The following SNX29 variants were observed in gnomAD, a reference collection of about 807,000 sequenced individuals.
SNX29 encodes sorting nexin 29.
In SNX29, 78 loss-of-function variants were observed where a neutral mutation model predicts 102.1. The ratio of observed to expected loss-of-function variants is 0.76; its 90% confidence interval spans 0.64 to 0.92. The LOEUF (loss-of-function observed/expected upper bound fraction) is 0.92. SNX29 is among the 40% of genes least tolerant of loss of function. The pLI is 0.00. For synonymous variants in SNX29, 580 were observed against 414.5 expected, an observed-to-expected ratio of 1.40 and a Z score of -4.85; for missense variants, 1,280 against 1,061.7, an observed-to-expected ratio of 1.21 and a Z score of -2.86.
intron 19 of SNX29, among the ~76,000 whole-genome samples, chr16:12,506,026 T>C (rs188914300): frequency 1.3e-5 from 2 of 152,152 alleles, no homozygotes; most frequent in East Asian, 3.9e-4. Context: ...AGAGGTGTGA[T>C]CTCGCCTCAC....
At chr16:12,537,316 A>G (rs991774171) in intron 20 of SNX29, among the ~76,000 whole-genome samples, 10 of 152,226 alleles carry the variant, frequency 6.6e-5, no homozygotes, top group Admixed American at 6.5e-4. Flanking sequence ...TATAGTGGCT[A>G]AGCCAAAGCT....
At chr16:12,513,796 T>A (rs767382355) in intron 19 of SNX29, among the ~76,000 whole-genome samples, 17 of 152,236 alleles carry the variant, frequency 1.1e-4, no homozygotes, top group Non-Finnish European at 2.1e-4. Flanking sequence ...AGTCAGCAGC[T>A]GATAAAAGGA....
intron 20 of SNX29, among the ~76,000 whole-genome samples, chr16:12,554,585 T>C (rs1202672381): frequency 1.3e-5 from 2 of 152,202 alleles, no homozygotes; most frequent in East Asian, 1.9e-4. Flanking sequence ...CACCAAGACT[T>C]GGAGCTCCCA....
intron 16 of SNX29, among the ~76,000 whole-genome samples, chr16:12,380,430 C>T (rs1863138679): frequency 1.6e-5 from 2 of 123,290 alleles, no homozygotes; most frequent in Admixed American, 1.6e-4. Flanking sequence ...CCTCATCCAT[C>T]CACCTAGCTA....
chr16:12,373,445 T>G (rs1052506417), intron 16 of SNX29, among the ~76,000 whole-genome samples: 1 of 152,218 alleles, frequency 6.6e-6, no homozygotes, highest in Non-Finnish European at 1.5e-5. Flanking sequence ...ATCCTCATCT[T>G]TAAATGGGTC....
At chr16:12,359,440 A>G (rs1270525909) in intron 16 of SNX29, among the ~76,000 whole-genome samples, 2 of 152,188 alleles carry the variant, frequency 1.3e-5, no homozygotes, top group African/African-American at 4.8e-5. Context: ...GGTTTCACAT[A>G]TGACTTCTCA....
chr16:12,552,320 G>A (rs1167599205), intron 20 of SNX29, among the ~76,000 whole-genome samples: 1 of 152,136 alleles, frequency 6.6e-6, no homozygotes, highest in Non-Finnish European at 1.5e-5. Context: ...AGGTGATAAT[G>A]GAACTCCTCT....
At chr16:12,419,148 C>G (rs769981859) in intron 18 of SNX29, among the ~76,000 whole-genome samples, 30 of 152,100 alleles carry the variant, frequency 2.0e-4, no homozygotes, top group Non-Finnish European at 2.2e-4. Context: ...TTGTTTAGTT[C>G]CGATGTTTCT....
intron 20 of SNX29, chr16:12,545,702 G>C (rs1361698520): frequency 6.6e-6 from 1 of 152,330 alleles, no homozygotes; most frequent in Non-Finnish European, 1.5e-5. Flanking sequence ...GCTGGTGCAA[G>C]GTGGGTGGCC....
chr16:12,221,000 A>T (rs140547194), intron 14 of SNX29, among the ~76,000 whole-genome samples: 18 of 152,358 alleles, frequency 1.2e-4, no homozygotes, highest in African/African-American at 3.4e-4. Context: ...CGTCTTTATT[A>T]CAGTCTGCCT....
At chr16:12,328,848 A>AGG in intron 15 of SNX29, among the ~76,000 whole-genome samples, 1 of 152,162 alleles carries the variant, frequency 6.6e-6, no homozygotes, top group Non-Finnish European at 1.5e-5. Context: ...AATTCTGAGA[A>AGG]TGCTGGCTGA....
intron 11 of SNX29, among the ~76,000 whole-genome samples, chr16:12,111,899 G>A (rs1206102401): frequency 6.6e-6 from 1 of 152,150 alleles, no homozygotes; most frequent in Non-Finnish European, 1.5e-5. Flanking sequence ...GAGATGGGGT[G>A]TGTGGTGGGG....
intron 11 of SNX29, among the ~76,000 whole-genome samples, chr16:12,109,270 T>C (rs1436898755): frequency 1.3e-5 from 2 of 151,486 alleles, no homozygotes; most frequent in African/African-American, 4.9e-5. Flanking sequence ...TGAACTGGCA[T>C]AGAGCAGCAG....
chr16:12,494,986 G>T (rs539636298), intron 19 of SNX29, among the ~76,000 whole-genome samples: 34 of 152,290 alleles, frequency 2.2e-4, no homozygotes, highest in African/African-American at 7.5e-4. Context: ...AATCTCGTCA[G>T]TATCCCTGGG....
intron 15 of SNX29, among the ~76,000 whole-genome samples, chr16:12,289,729 T>C (rs1270411395): frequency 2.6e-5 from 4 of 152,208 alleles, no homozygotes; most frequent in African/African-American, 9.6e-5. Context: ...TGGCTGGTTT[T>C]CAGCTTTTCA....
chr16:12,211,017 A>G (rs997483769), intron 14 of SNX29, among the ~76,000 whole-genome samples: 1 of 152,192 alleles, frequency 6.6e-6, no homozygotes, highest in Non-Finnish European at 1.5e-5. Context: ...CCTTTAGTGC[A>G]GAGTGAGGCT....
intron 11 of SNX29, among the ~76,000 whole-genome samples, chr16:12,107,268 G>C (rs960747182): frequency 5.9e-5 from 9 of 152,066 alleles, no homozygotes; most frequent in African/African-American, 1.9e-4. Flanking sequence ...GAAAATGGGT[G>C]TGGGGACAGC....
At chr16:12,272,058 G>C (rs1243328883) in intron 14 of SNX29, among the ~76,000 whole-genome samples, 2 of 152,202 alleles carry the variant, frequency 1.3e-5, no homozygotes, top group Non-Finnish European at 2.9e-5. Flanking sequence ...AGGAAGTCAG[G>C]TAGTTGCAGG....
At chr16:12,563,613 A>C (rs2078855097) in intron 20 of SNX29, among the ~76,000 whole-genome samples, 1 of 139,066 alleles carries the variant, frequency 7.2e-6, no homozygotes, top group East Asian at 2.4e-4. Flanking sequence ...ACCACATCTC[A>C]CAGACGAGAC....
Sources: allele counts gnomAD v4.1 joint callset (sites outside exome capture counted in the v4.1 genomes callset), GRCh38; gene constraint gnomAD v4.1.1; transcripts MANE v1.5; gene names NCBI Gene and HGNC (gene_info 2026-07-23, HGNC 2026-07-21).